P2RY6: variants seen among roughly 807,000 people sequenced by gnomAD.
P2RY6 encodes the protein pyrimidinergic receptor P2Y6.
In P2RY6, 19 loss-of-function variants were observed where a neutral mutation model predicts 16.3. That is an observed-to-expected ratio of 1.16 (90% CI 0.81 to 1.71). P2RY6 has a LOEUF of 1.71. Among genes scored for constraint, P2RY6 ranks in the 40% most tolerant of loss-of-function variants. The probability of loss-of-function intolerance (pLI) is 0.00; values close to 1 mark genes in which losing one functional copy is unlikely to be tolerated. For missense variants in P2RY6, 389 were observed against 455.5 expected, an observed-to-expected ratio of 0.85 and a Z score of 1.33; for synonymous variants, 184 against 201.5, an observed-to-expected ratio of 0.91 and a Z score of 0.74.
At chr11:73,292,670 C>T (rs1864305483) in intron 1 of P2RY6, 1 of 330,722 alleles carries the variant, frequency 3.0e-6, no homozygotes, top group Non-Finnish European at 4.3e-6. Flanking sequence ...CTTTTTTCCA[C>T]CTCCTTGCTC....
chr11:73,284,885 T>C (rs1863906801), intron 1 of P2RY6, among the ~76,000 whole-genome samples: 1 of 151,868 alleles, frequency 6.6e-6, no homozygotes. Context: ...AGAGAGACAA[T>C]AACCAATAAA....
At chr11:73,289,087 G>A (rs1006926049) in intron 1 of P2RY6, among the ~76,000 whole-genome samples, 18 of 152,236 alleles carry the variant, frequency 1.2e-4, no homozygotes, top group Non-Finnish European at 2.5e-4. Context: ...AGATATGAAG[G>A]CCTCAGGGGA....
chr11:73,278,235 G>A (rs1161246278), intron 1 of P2RY6, among the ~76,000 whole-genome samples: 3 of 151,788 alleles, frequency 2.0e-5, no homozygotes, highest in Admixed American at 6.6e-5. Flanking sequence ...GCAGTGGTGC[G>A]ATCTCGGCTC....
chr11:73,287,771 G>A (rs978473624), intron 1 of P2RY6, among the ~76,000 whole-genome samples: 1 of 152,252 alleles, frequency 6.6e-6, no homozygotes, highest in Non-Finnish European at 1.5e-5. Flanking sequence ...TCCAGGCAAG[G>A]CACAGAGAGC....
chr11:73,268,216 C>A (rs1412510749), upstream of P2RY6, among the ~76,000 whole-genome samples: 1 of 152,264 alleles, frequency 6.6e-6, no homozygotes, highest in Non-Finnish European at 1.5e-5. Flanking sequence ...TCTGTTAGGT[C>A]TCTGTGGCCT....
intron 1 of P2RY6, among the ~76,000 whole-genome samples, chr11:73,285,422 G>GCTGAC (rs146532229): frequency 0.012 from 1,803 of 152,306 alleles, 98 homozygotes; most frequent in Admixed American, 0.084. Context: ...ACTGTTGCCT[G>GCTGAC]CTGACCTCCT....
At chr11:73,269,153 T>C (rs186992871), upstream of P2RY6, among the ~76,000 whole-genome samples, 11 of 152,230 alleles carry the variant, frequency 7.2e-5, no homozygotes, top group African/African-American at 1.2e-4. Flanking sequence ...CAAGGGCATG[T>C]GGGGTGTAAA....
At chr11:73,274,331 C>T (rs756416853) in intron 1 of P2RY6, among the ~76,000 whole-genome samples, 14 of 151,948 alleles carry the variant, frequency 9.2e-5, no homozygotes, top group Non-Finnish European at 2.1e-4. Flanking sequence ...TAAATCATTC[C>T]GTCAAAATTG....
chr11:73,277,125 T>G (rs868866442), intron 1 of P2RY6, among the ~76,000 whole-genome samples: 1 of 151,928 alleles, frequency 6.6e-6, no homozygotes, highest in Non-Finnish European at 1.5e-5. Flanking sequence ...GATTTTTTTT[T>G]TTTTTTGAGA....
In P2RY6 at chr11:73,297,379, GC is replaced by G; in HGVS notation, c.863del (p.Pro288ArgfsTer71). ...AFAAAYKGTR[P>X]FASANSVLDP... is the part of the protein sequence containing the mutation. ...TTGCAGCGGCCTACAAAGGCACGCG[GC>G]CGTTTGCCAGTGCCAACAGCGTGCT... On this transcript the variant is annotated frameshift_variant, in exon 3 of 3. Coordinates refer to ENST00000540124, the MANE Select transcript of P2RY6 (RefSeq NM_001277204.2). LOFTEE classifies it high-confidence loss of function. 1 of 1,612,178 alleles carries G rather than the reference GC, an allele frequency of 6.2e-7. No individual in the cohort carries two copies. Among genetic ancestry groups the G allele is most frequent in the Non-Finnish European group, 8.5e-7 (1 of 1,180,042 alleles).
chr11:73,281,638 G>A (rs1000371566), intron 1 of P2RY6, among the ~76,000 whole-genome samples: 6 of 152,226 alleles, frequency 3.9e-5, no homozygotes, highest in African/African-American at 1.4e-4. Context: ...CACCAGCTGA[G>A]TGTCCTCGGG....
intron 1 of P2RY6, among the ~76,000 whole-genome samples, chr11:73,278,680 G>A (rs1029796700): frequency 2.0e-5 from 3 of 152,136 alleles, no homozygotes; most frequent in Admixed American, 1.3e-4. Context: ...TTTCATCCAC[G>A]TTGTAGTATG....
intron 1 of P2RY6, among the ~76,000 whole-genome samples, chr11:73,281,395 G>A (rs995471522): frequency 2.0e-5 from 3 of 152,202 alleles, no homozygotes; most frequent in African/African-American, 7.2e-5. Context: ...GCTGTGCTGA[G>A]GACATCTGGC....
chr11:73,280,975 A>G (rs1863738088), intron 1 of P2RY6, among the ~76,000 whole-genome samples: 1 of 152,136 alleles, frequency 6.6e-6, no homozygotes, highest in Non-Finnish European at 1.5e-5. Context: ...TGGAGATGGA[A>G]AACCAGAAAG....
At chr11:73,296,434 G>A (rs1864483659) in intron 2 of P2RY6, 51 bp from the exon 3 acceptor site, 2 of 1,523,734 alleles carry the variant, frequency 1.3e-6, no homozygotes, top group Non-Finnish European at 9.0e-7. Context: ...GGCAGGGCCT[G>A]CTGGGTGGTG....
chr11:73,272,016 A>C (rs1427892991), upstream of P2RY6: 1 of 152,190 alleles, frequency 6.6e-6, no homozygotes, highest in East Asian at 1.9e-4. Flanking sequence ...GGCTGGGGTG[A>C]TAATGGGGAG....
intron 1 of P2RY6, among the ~76,000 whole-genome samples, chr11:73,276,738 T>C (rs879785245): frequency 1.3e-5 from 2 of 152,194 alleles, no homozygotes; most frequent in Non-Finnish European, 2.9e-5. Flanking sequence ...TGCTATTGGG[T>C]ACAGGATTTC....
Position 73,297,740 on chromosome 11 carries a change from A to G in P2RY6, c.*235A>G. 1.8e-6 allele frequency: 1 copy of G among 568,440 alleles called. No homozygotes were observed. The highest frequency in any genetic ancestry group is 3.2e-6 in the Non-Finnish European group (1 of 311,204). 35.2% of individuals were successfully genotyped at this position (568,440 alleles called of 1,614,324 possible). A position where few individuals can be genotyped will look rare whatever the true frequency, so the allele number is the denominator to read the frequency against. ...GCCTGGCTCTTGAGAGGTCCCAGTC[A>G]GCCATGGAGAGCTGGGGAAACCACA... On this transcript the variant is annotated 3_prime_UTR_variant, in exon 3 of 3. Coordinates refer to ENST00000540124, the MANE Select transcript of P2RY6 (RefSeq NM_001277204.2).
In P2RY6 at chr11:73,297,066, C is replaced by A; in HGVS notation, c.548C>A (p.Pro183His). ...ACTGTCTGCTATGACCTCAGCCCGC[C>A]TGCCCTGGCCACCCACTATATGCCC... ...NRTVCYDLSP[P>H]ALATHYMPYG... Residue 183 changes from proline to histidine, a missense_variant, in exon 3 of 3, where the codon CCT (proline) becomes CAT (histidine). Transcript: ENST00000540124. 1.9e-6 allele frequency: 3 copies of A among 1,601,710 alleles called. No individual in the cohort carries two copies. The highest frequency in any genetic ancestry group is 3.3e-5 in the Admixed American group (2 of 60,036).
Sources: allele counts gnomAD v4.1 joint callset (sites outside exome capture counted in the v4.1 genomes callset), GRCh38; gene constraint gnomAD v4.1.1; transcripts MANE v1.5; gene names NCBI Gene and HGNC (gene_info 2026-07-23, HGNC 2026-07-21).